ITGAL: variants seen among roughly 807,000 people sequenced by gnomAD.
ITGAL encodes integrin alpha-L.
ITGAL carries 68 observed loss-of-function variants against 138.4 expected under a neutral mutation model. The observed-to-expected ratio is 0.49, with a 90% CI of 0.40 to 0.60. The LOEUF is 0.60. Ranked by LOEUF, ITGAL falls within the 20% of genes least tolerant of loss-of-function variation. ITGAL has a pLI of 0.00. For synonymous variants in ITGAL, 561 were observed against 584.3 expected, an observed-to-expected ratio of 0.96 and a Z score of 0.57; for missense variants, 1,256 against 1,478.6, an observed-to-expected ratio of 0.85 and a Z score of 2.47.
At chr16:30,481,171 CACACA>C in intron 6 of ITGAL, 1 of 390,110 alleles carries the variant, frequency 2.6e-6, no homozygotes, top group Admixed American at 4.2e-5. Context: ...CACACACACA[CACACA>C]CACACACCAC....
At chr16:30,473,631 G>A (rs1331481947) in intron 1 of ITGAL, among the ~76,000 whole-genome samples, 1 of 152,220 alleles carries the variant, frequency 6.6e-6, no homozygotes, top group Non-Finnish European at 1.5e-5. Context: ...TGCGGGGAGA[G>A]AAAGCAGGGC....
intron 9 of ITGAL, among the ~76,000 whole-genome samples, chr16:30,485,688 TTTTTTTTGTA>T (rs1249060790): frequency 4.6e-5 from 7 of 151,198 alleles, no homozygotes; most frequent in Non-Finnish European, 7.4e-5. Flanking sequence ...ATTTTTTTTT[TTTTTTTTGTA>T]TTTTTTGTAT....
intron 14 of ITGAL, 30 bp downstream of exon 14, chr16:30,496,324 C>T (rs1223463882): frequency 6.2e-7 from 1 of 1,602,366 alleles, no homozygotes. Context: ...AATCACACTC[C>T]ATTCTCAGGT....
At chr16:30,505,013 A>C in intron 18 of ITGAL, 1 of 327,990 alleles carries the variant, frequency 3.0e-6, no homozygotes, top group Non-Finnish European at 5.4e-6. Flanking sequence ...AGAGTAAGAC[A>C]GTCTTAAAAA....
intron 1 of ITGAL, 103 bp from the exon 2 acceptor site, chr16:30,474,093 G>A (rs1280169227): frequency 2.4e-6 from 2 of 823,054 alleles, no homozygotes; most frequent in African/African-American, 3.4e-5. Context: ...GGTGCGGGTG[G>A]CCTGGGGAGC....
chr16:30,489,482 A>G, intron 11 of ITGAL, 96 bp downstream of exon 11: 1 of 1,176,520 alleles, frequency 8.5e-7, no homozygotes, highest in Non-Finnish European at 1.2e-6. Context: ...CAGTTAAGCA[A>G]CCAGCATGAA....
intron 24 of ITGAL, among the ~76,000 whole-genome samples, chr16:30,513,514 G>A (rs781719721): frequency 6.6e-6 from 1 of 152,146 alleles, no homozygotes. Flanking sequence ...GTGAGGTGGC[G>A]CGCAGTGGGG....
In ITGAL at chr16:30,510,946, C is replaced by T. The variant is rs150714646; in HGVS notation, c.2685C>T (p.His895=). The T allele has an allele frequency of 1.5e-4, 246 of 1,613,910 alleles. 3 individuals carry two copies. In the African/African-American group the frequency reaches 2.7e-3, roughly 18 times the overall value. The change falls in exon 23 of 31, where the codon CAC becomes CAT. Residue 895 remains histidine, a synonymous_variant. Coordinates refer to ENST00000356798, the MANE Select transcript of ITGAL (RefSeq NM_002209.3). ...CCTGGGGGGACTCGGTTGAATTGCA[C>T]GCCAATGTGACCTGGTGAGCAGGCC... is the stretch of plus-strand genomic sequence containing the variant. ...NSSWGDSVEL[H]ANVTCNNEDS... is the part of the protein sequence containing the mutation.
intron 25 of ITGAL, among the ~76,000 whole-genome samples, chr16:30,514,826 T>C (rs954421380): frequency 3.1e-5 from 2 of 65,172 alleles, no homozygotes; most frequent in African/African-American, 1.6e-4. Flanking sequence ...TTTTCTTTTC[T>C]TTTTTTTTTT....
chr16:30,494,971 G>C lies in ITGAL; in HGVS notation c.1503+121G>C. 1 of 1,065,348 alleles carries C rather than the reference G, an allele frequency of 9.4e-7. No individual in the cohort carries two copies. The allele number at this position is 1,065,348 out of a possible 1,614,324, so 66.0% of individuals were successfully genotyped here. On this transcript the variant is annotated intron_variant, in intron 13 of 30. Coordinates refer to ENST00000356798, the MANE Select transcript of ITGAL (RefSeq NM_002209.3). The surrounding 1 kb of genome is among the most constrained non-coding windows in gnomAD (Gnocchi z 4.2). Reference sequence around the variant, plus strand: ...GCGATCAAACTTTTAGAACGACAGAGAGGCAATAGCAAATCCTCACTGGGG... The same window carrying C: ...GCGATCAAACTTTTAGAACGACAGACAGGCAATAGCAAATCCTCACTGGGG...
chr16:30,505,575 TTCCTTTTC>T lies in ITGAL; in HGVS notation c.2366+115_2366+122del, dbSNP rs2050975626. 38 of 820,764 alleles carry T rather than the reference TTCCTTTTC, an allele frequency of 4.6e-5. 1 individual carries two copies. The South Asian group carries it at 5.8e-4, about 13-fold the overall frequency. The allele number at this position is 820,764 out of a possible 1,614,324, so 50.8% of individuals were successfully genotyped here. A position where few individuals can be genotyped will look rare whatever the true frequency, so the allele number is the denominator to read the frequency against. On this transcript the variant is annotated intron_variant, in intron 20 of 30. Transcript: ENST00000356798. ...CCACTTCCCTCTCTTGGGCCTTAGTTTCCTTTTCTGAGAAATTTGAGGCTGAACTCAGG... is the reference window on the plus strand; with the variant it reads ...CCACTTCCCTCTCTTGGGCCTTAGTTTGAGAAATTTGAGGCTGAACTCAGG...
In ITGAL at chr16:30,505,467, G is replaced by T; in HGVS notation, c.2366+5G>T. The T allele has an allele frequency of 6.2e-7, 1 of 1,611,508 alleles. No individual in the cohort carries two copies. The highest frequency in any genetic ancestry group is 8.5e-7 in the Non-Finnish European group (1 of 1,178,120). On this transcript the variant is annotated splice_donor_5th_base_variant and intron_variant, in intron 20 of 30. Transcript: ENST00000356798. ...AGTGTCCTTCTCTCCTGCAAGGTCAGTAAGGCCTCCCACCCTCCAGCCTCC... is the reference window on the plus strand; with the variant it reads ...AGTGTCCTTCTCTCCTGCAAGGTCATTAAGGCCTCCCACCCTCCAGCCTCC...
chr16:30,479,145 C>A lies in ITGAL; in HGVS notation c.382C>A (p.Leu128Met). The A allele has an allele frequency of 6.2e-7, 1 of 1,614,128 alleles. No homozygotes were observed. Residue 128 changes from leucine to methionine, a missense_variant, in exon 5 of 31, where the codon CTG (leucine) becomes ATG (methionine). By Grantham distance (15) the Leu-to-Met change is conservative. Coordinates refer to ENST00000356798, the MANE Select transcript of ITGAL (RefSeq NM_002209.3). Reference protein sequence around the residue: ...TCDQNTYLSGLCYLFRQNLQG... With the variant: ...TCDQNTYLSGMCYLFRQNLQG... ...TGACCAGAACACCTATCTGAGTGGC[C>A]TGTGTTACCTCTTCCGCCAGAATCT...
chr16:30,519,935 C>T lies in ITGAL; in HGVS notation c.3307C>T (p.Leu1103=), dbSNP rs1265285770. The T allele has an allele frequency of 6.8e-6, 11 of 1,613,332 alleles. No homozygotes were observed. The highest frequency in any genetic ancestry group is 7.6e-6 in the Non-Finnish European group (9 of 1,179,952). The part of the protein sequence containing the change: ...YVLSGIGGLL[L]LLLIFIVLYK... ...GCTGAGCGGCATCGGGGGGCTGCTG[C>T]TGCTGCTGCTCATTTTCATAGTGCT... is the stretch of plus-strand genomic sequence containing the variant. Residue 1103 remains leucine (L), a synonymous_variant, in exon 30 of 31, where the codon CTG becomes TTG. Coordinates refer to ENST00000356798, the MANE Select transcript of ITGAL (RefSeq NM_002209.3).
At position 30,517,792 on chromosome 16, in the gene ITGAL, G is replaced by A. The variant is rs777738130; in HGVS notation, c.3034-5G>A. ...CCCTGACCCCGCTTTCCTCATCCTT[G>A]TCAGCCTTGTCTCCCCGGAGCCCTG... On this transcript the variant is annotated splice_region_variant and splice_polypyrimidine_tract_variant and intron_variant, in intron 27 of 30. Transcript: ENST00000356798. The A allele has an allele frequency of 1.6e-5, 26 of 1,614,020 alleles. No individual in the cohort carries two copies. The highest frequency in any genetic ancestry group is 2.0e-5 in the Non-Finnish European group (24 of 1,180,004).
chr16:30,517,147 G>A, intron 26 of ITGAL, 61 bp downstream of exon 26: 1 of 1,102,998 alleles, frequency 9.1e-7, no homozygotes, highest in Non-Finnish European at 1.3e-6. Context: ...GAGTGCATTT[G>A]AGGGTACAGA....
At chr16:30,496,394 T>C in intron 14 of ITGAL, 42 bp from the exon 15 acceptor site, 2 of 1,613,808 alleles carry the variant, frequency 1.2e-6, no homozygotes, top group South Asian at 2.2e-5. Context: ...CCCTCCAACC[T>C]ACCTCTCCTC....
chr16:30,479,250 G>A (rs765579140), intron 5 of ITGAL, 42 bp downstream of exon 5: 24 of 1,612,446 alleles, frequency 1.5e-5, no homozygotes, highest in Middle Eastern at 3.3e-4. Flanking sequence ...ACCTCCAAAT[G>A]GCTGTCCCTA....
At chr16:30,491,618 A>G (rs1239951603) in intron 11 of ITGAL, among the ~76,000 whole-genome samples, 1 of 151,766 alleles carries the variant, frequency 6.6e-6, no homozygotes, top group Non-Finnish European at 1.5e-5. Context: ...ACACCCCATG[A>G]GATTGGTACT....
Sources: gnomAD v4.1 joint callset for allele counts (sites outside exome capture counted in the v4.1 genomes callset) on GRCh38, gnomAD v4.1.1 for gene constraint, Gnocchi (gnomAD v3.1) non-coding constraint, MANE v1.5 for transcripts, NCBI Gene and HGNC (gene_info 2026-07-23, HGNC 2026-07-21) for gene names.